Variants in COL4A2 observed in about 807,000 individuals in gnomAD.
COL4A2 encodes collagen type IV alpha 2 chain, also known as collagen alpha-2(IV) chain.
A neutral mutation model predicts 200.2 loss-of-function variants in COL4A2; 99 were observed. That is an observed-to-expected ratio of 0.49 (90% CI 0.42 to 0.58). The LOEUF is 0.58. Ranked by LOEUF, COL4A2 falls within the 20% of genes least tolerant of loss-of-function variation. The pLI, the probability that COL4A2 is intolerant of heterozygous loss-of-function variation, is 0.00. For missense variants in COL4A2, 1,950 were observed against 2,314.1 expected, an observed-to-expected ratio of 0.84 and a Z score of 3.23; for synonymous variants, 897 against 900.6, an observed-to-expected ratio of 1.00 and a Z score of 0.07.
chr13:110,447,315 A>C (rs1316832969), intron 18 of COL4A2, among the ~76,000 whole-genome samples: 1 of 152,222 alleles, frequency 6.6e-6, no homozygotes, highest in Non-Finnish European at 1.5e-5. Context: ...ACTCATAACC[A>C]GTGAACAGTC....
intron 16 of COL4A2, among the ~76,000 whole-genome samples, chr13:110,440,859 G>A (rs1016756428): frequency 3.3e-5 from 5 of 152,096 alleles, no homozygotes; most frequent in South Asian, 4.2e-4. Context: ...ACACAAAGAC[G>A]TGTAGCTTCA....
intron 4 of COL4A2, among the ~76,000 whole-genome samples, chr13:110,367,800 A>T (rs1281694618): frequency 6.6e-6 from 1 of 152,194 alleles, no homozygotes; most frequent in Admixed American, 6.5e-5. Flanking sequence ...GCTCATTTCA[A>T]CCCTGCTTAG....
intron 16 of COL4A2, 120 bp from the exon 17 acceptor site, chr13:110,445,709 G>A: frequency 2.3e-6 from 3 of 1,307,392 alleles, no homozygotes; most frequent in Non-Finnish European, 2.2e-6. Flanking sequence ...GCACAGACTG[G>A]GTTAATACAT....
At chr13:110,374,755 G>A (rs1433083078) in intron 4 of COL4A2, among the ~76,000 whole-genome samples, 1 of 152,048 alleles carries the variant, frequency 6.6e-6, no homozygotes, top group Non-Finnish European at 1.5e-5. Context: ...CCACTCTCCT[G>A]CTCTGTCCCA....
At chr13:110,438,810 C>CACACA (rs1555328887) in intron 15 of COL4A2, 142 bp downstream of exon 15, 1 of 650,018 alleles carries the variant, frequency 1.5e-6, no homozygotes, top group Non-Finnish European at 2.6e-6. Context: ...CCACCCCCCC[C>CACACA]CACACACACA....
rs772186304 is a variant in COL4A2, at chr13:110,491,198, T to C, written c.3347-35T>C. 17 of 1,480,410 alleles carry C rather than the reference T, an allele frequency of 1.1e-5. 1 individual carries two copies. The African/African-American group carries it at 1.4e-4, about 12-fold the overall frequency. The allele number at this position is 1,480,410 out of a possible 1,614,324, so 91.7% of individuals were successfully genotyped here. ...CCAGGGAACCCACAGGGGCGCGGTG[T>C]CTGTTTGTTCCAAGCAGCATGTCTG... On this transcript the variant is annotated intron_variant, in intron 36 of 47. Transcript: ENST00000360467.
At chr13:110,352,505 C>G (rs1255864089) in intron 3 of COL4A2, among the ~76,000 whole-genome samples, 1 of 152,230 alleles carries the variant, frequency 6.6e-6, no homozygotes, top group Non-Finnish European at 1.5e-5. Context: ...TACCCAGAGC[C>G]CAGCACAGTG....
chr13:110,313,971 C>G (rs1885064895), intron 3 of COL4A2, among the ~76,000 whole-genome samples: 2 of 152,248 alleles, frequency 1.3e-5, no homozygotes, highest in Admixed American at 1.3e-4. Context: ...ATGAAGCTGC[C>G]TTTTGAAGCA....
chr13:110,428,567 G>T lies in COL4A2; in HGVS notation c.461G>T (p.Gly154Val), dbSNP rs375700657. 2.6e-6 allele frequency: 4 copies of T among 1,550,296 alleles called. No individual in the cohort carries two copies. In the Admixed American group the frequency reaches 6.6e-5, roughly 26 times the overall value. ...SGPQGPPGSE[G>V]FTGPPGPQGP... ...CCACAGGGGCCCCCCGGCTCTGAGG[G>T]GTTCACCGGGCCTCCCGTGAGTATC... Residue 154 changes from glycine to valine, a missense_variant, in exon 7 of 48, where the codon GGG becomes GTG. Gly to Val is a moderately radical substitution (Grantham distance 109). Transcript: ENST00000360467.
At chr13:110,313,269 G>A (rs1428418261) in intron 3 of COL4A2, among the ~76,000 whole-genome samples, 1 of 152,164 alleles carries the variant, frequency 6.6e-6, no homozygotes, top group Non-Finnish European at 1.5e-5. Context: ...ACAGGTGACG[G>A]CCTAAGTGAC....
intron 37 of COL4A2, 107 bp downstream of exon 37, chr13:110,491,447 A>C: frequency 1.3e-6 from 1 of 790,930 alleles, no homozygotes; most frequent in East Asian, 2.7e-5. Flanking sequence ...CCAACCCTGG[A>C]AGCTCACTCG....
Position 110,465,428 on chromosome 13 carries a change from A to C in COL4A2, c.1800A>C (p.Pro600=), listed in dbSNP as rs1234893415. The C allele has an allele frequency of 1.2e-6, 2 of 1,612,988 alleles. No individual in the cohort carries two copies. The highest frequency in any genetic ancestry group is 1.7e-6 in the Non-Finnish European group (2 of 1,179,694). Residue 600 remains proline, a synonymous_variant, in exon 25 of 48, where the codon CCA becomes CCC. Transcript: ENST00000360467. The part of the protein sequence containing the change: ...GPPGDGIKGP[P]GDPGYPGIPG... ...AGGGTGATGGCATCAAGGGCCCTCCAGGGGACCCAGGCTATCCAGGAATAC... is the reference window on the plus strand; with the variant it reads ...AGGGTGATGGCATCAAGGGCCCTCCCGGGGACCCAGGCTATCCAGGAATAC...
At chr13:110,465,278 A>T (rs1012185808) in intron 24 of COL4A2, 127 bp from the exon 25 acceptor site, 7 of 1,241,656 alleles carry the variant, frequency 5.6e-6, no homozygotes, top group South Asian at 1.6e-5. Flanking sequence ...GTTCCTGTTC[A>T]TCTCTGTTGT....
At chr13:110,499,011 C>T (rs949163697) in intron 40 of COL4A2, among the ~76,000 whole-genome samples, 2 of 152,232 alleles carry the variant, frequency 1.3e-5, no homozygotes, top group African/African-American at 2.4e-5. Flanking sequence ...GCAGACACTG[C>T]CCAGTGCCAT....
At chr13:110,384,235 G>C (rs1878598325) in intron 4 of COL4A2, among the ~76,000 whole-genome samples, 1 of 152,180 alleles carries the variant, frequency 6.6e-6, no homozygotes, top group South Asian at 2.1e-4. Context: ...TGACAGAGAA[G>C]TACATGGAAG....
chr13:110,417,569 T>G (rs1185353271), intron 4 of COL4A2, among the ~76,000 whole-genome samples: 1 of 152,220 alleles, frequency 6.6e-6, no homozygotes, highest in Non-Finnish European at 1.5e-5. Context: ...AATCATGCTA[T>G]GGAGAAGGTC....
intron 40 of COL4A2, among the ~76,000 whole-genome samples, chr13:110,500,098 G>A (rs867362236): frequency 2.6e-5 from 4 of 152,312 alleles, no homozygotes; most frequent in Middle Eastern, 3.4e-3. Context: ...AAGCACGCAT[G>A]AATGGAATCC....
At chr13:110,354,983 T>C (rs373928372) in intron 3 of COL4A2, among the ~76,000 whole-genome samples, 16 of 152,318 alleles carry the variant, frequency 1.1e-4, no homozygotes, top group African/African-American at 3.8e-4. Context: ...AGACCCGCTA[T>C]CACAAAACAA....
In COL4A2 at chr13:110,478,050, C is replaced by A. The variant is rs781631712; in HGVS notation, c.2473C>A (p.Leu825Ile). The A allele has an allele frequency of 6.3e-7, 1 of 1,593,954 alleles. No individual in the cohort carries two copies. Among genetic ancestry groups the A allele is most frequent in the Non-Finnish European group, 8.6e-7 (1 of 1,167,576 alleles). ...GMPGLKGQPG[L>I]PGPSGQPGLY... Reference sequence around the variant, plus strand: ...GCCAGGGCTGAAGGGCCAGCCAGGCCTCCCAGGACCTTCCGGCCAGCCAGG... The same window carrying A: ...GCCAGGGCTGAAGGGCCAGCCAGGCATCCCAGGACCTTCCGGCCAGCCAGG... Residue 825 changes from leucine (L) to isoleucine (I), a missense_variant, in exon 30 of 48, where the codon CTC becomes ATC. Coordinates refer to ENST00000360467, the MANE Select transcript of COL4A2 (RefSeq NM_001846.4).
Sources: allele counts gnomAD v4.1 joint callset (sites outside exome capture counted in the v4.1 genomes callset), GRCh38; gene constraint gnomAD v4.1.1; transcripts MANE v1.5; gene names NCBI Gene and HGNC (gene_info 2026-07-23, HGNC 2026-07-21).